ROBO2: variants seen among roughly 807,000 people sequenced by gnomAD.
ROBO2 encodes the protein roundabout guidance receptor 2.
A neutral mutation model predicts 160.8 loss-of-function variants in ROBO2; 53 were observed. The ratio of observed to expected loss-of-function variants is 0.33; its 90% CI spans 0.26 to 0.41. The LOEUF (loss-of-function observed/expected upper bound fraction) is 0.41. ROBO2 is among the 10% of genes least tolerant of loss of function. The probability of loss-of-function intolerance (pLI) is 1.00; values close to 1 mark genes in which losing one functional copy is unlikely to be tolerated. For synonymous variants in ROBO2, 664 were observed against 611.7 expected (o/e 1.09, Z -1.26); for missense variants, 1,577 against 1,722.4 (o/e 0.92, Z 1.49).
At position 76,834,112 on chromosome 3, in the gene ROBO2, T is replaced by TTCTTTCTC. The variant is rs1267085073; in HGVS notation, c.110-263899_110-263898insTTCTCTCT. Among the ~76,000 whole-genome samples, 183 of 145,464 alleles carry TTCTTTCTC rather than the reference T, an allele frequency of 1.3e-3. 3 individuals are homozygous for TTCTTTCTC. Among genetic ancestry groups the TTCTTTCTC allele is most frequent in the African/African-American group, 4.1e-3 (160 of 38,830 alleles). ...TTTCTTTCTTTCTTTCTTTCTTTCT[T>TTCTTTCTC]TCTCTCTGTCTCTCCTTCCTTCTTT... On this transcript the variant is annotated intron_variant, in intron 2 of 26. Transcript: ENST00000487694.
At chr3:75,951,842 T>C (rs1948548722) in intron 2 of ROBO2, among the ~76,000 whole-genome samples, 1 of 152,058 alleles carries the variant, frequency 6.6e-6, no homozygotes, top group Non-Finnish European at 1.5e-5. Context: ...CAAATTTTTA[T>C]CTGATAGCTC....
chr3:75,913,769 A>C (rs35364514), intron 1 of ROBO2, among the ~76,000 whole-genome samples: 20,862 of 152,212 alleles, frequency 0.14, 1,547 homozygotes, highest in South Asian at 0.16. Context: ...AATCTCATCC[A>C]TATAAGAAAG....
intron 2 of ROBO2, among the ~76,000 whole-genome samples, chr3:77,294,624 G>A (rs559278309): frequency 3.4e-5 from 5 of 148,862 alleles, no homozygotes; most frequent in South Asian, 4.2e-4. Flanking sequence ...TAAAATTGAC[G>A]GTTAAACGGG....
chr3:76,998,616 TAAACA>T (rs2061163347), intron 2 of ROBO2, among the ~76,000 whole-genome samples: 1 of 152,194 alleles, frequency 6.6e-6, no homozygotes. Flanking sequence ...ATAGTTACTT[TAAACA>T]AAATGGTATT....
intron 2 of ROBO2, among the ~76,000 whole-genome samples, chr3:76,545,271 G>A (rs1282475277): frequency 6.6e-6 from 1 of 151,920 alleles, no homozygotes; most frequent in Non-Finnish European, 1.5e-5. Flanking sequence ...GAAGTAAAGT[G>A]AAATTAAGGG....
At chr3:77,602,159 T>C in intron 19 of ROBO2, 51 bp from the exon 21 acceptor site, 1 of 1,582,572 alleles carries the variant, frequency 6.3e-7, no homozygotes. Flanking sequence ...CTGATAGTTT[T>C]GGGCTTCCGG....
Position 76,180,921 on chromosome 3 carries a change from A to G in ROBO2, c.109+243319A>G, listed in dbSNP as rs565859678. Among the ~76,000 whole-genome samples, 7 of 152,148 alleles carry G rather than the reference A, an allele frequency of 4.6e-5. No homozygotes were observed. In the South Asian group the frequency reaches 1.5e-3, roughly 32 times the overall value. ...CCACCCCACCTTCCCACTCTCCCCT[A>G]TCTGCCTCACTGAATTTCTTTCAGC... On this transcript the variant is annotated intron_variant, in intron 2 of 26. Transcript: ENST00000487694.
chr3:77,395,338 C>G (rs2075170165), intron 2 of ROBO2, among the ~76,000 whole-genome samples: 1 of 152,104 alleles, frequency 6.6e-6, no homozygotes, highest in South Asian at 2.1e-4. Flanking sequence ...GGGGGAACAG[C>G]AGGTAGCATA....
chr3:77,400,499 A>C (rs2075695609), intron 2 of ROBO2, among the ~76,000 whole-genome samples: 1 of 152,206 alleles, frequency 6.6e-6, no homozygotes, highest in Non-Finnish European at 1.5e-5. Context: ...CAGTACGTTC[A>C]CTTTAGACAT....
intron 2 of ROBO2, among the ~76,000 whole-genome samples, chr3:76,725,584 C>T (rs1225841289): frequency 6.6e-6 from 1 of 152,098 alleles, no homozygotes; most frequent in African/African-American, 2.4e-5. Context: ...AACAAAGTTT[C>T]ATTTCATACA....
intron 2 of ROBO2, among the ~76,000 whole-genome samples, chr3:76,593,775 A>G (rs947955180): frequency 1.3e-5 from 2 of 151,956 alleles, no homozygotes; most frequent in Non-Finnish European, 2.9e-5. Context: ...TTGTTCTTGT[A>G]TTTATAGCAG....
intron 2 of ROBO2, among the ~76,000 whole-genome samples, chr3:77,019,350 T>A (rs2062481752): frequency 6.6e-6 from 1 of 151,988 alleles, no homozygotes. Flanking sequence ...AGGGCATTAA[T>A]CCCATCCATA....
At chr3:75,931,029 A>G (rs557977528) in intron 1 of ROBO2, among the ~76,000 whole-genome samples, 80 of 152,332 alleles carry the variant, frequency 5.3e-4, no homozygotes, top group African/African-American at 1.8e-3. Context: ...ACTAAGACCT[A>G]TGTTCCTCAT....
intron 12 of ROBO2, among the ~76,000 whole-genome samples, chr3:77,566,002 C>T (rs2153664322): frequency 6.6e-6 from 1 of 152,138 alleles, no homozygotes; most frequent in Middle Eastern, 3.4e-3. Flanking sequence ...CTACTTCCCA[C>T]AGGGTTCTTC....
chr3:76,968,444 C>T (rs937099837), intron 2 of ROBO2, among the ~76,000 whole-genome samples: 18 of 151,946 alleles, frequency 1.2e-4, no homozygotes, highest in Non-Finnish European at 2.1e-4. Flanking sequence ...AATATAAGCT[C>T]CTTTTAGGAA....
intron 2 of ROBO2, among the ~76,000 whole-genome samples, chr3:76,398,825 C>T (rs1464893647): frequency 6.6e-6 from 1 of 151,664 alleles, no homozygotes; most frequent in Non-Finnish European, 1.5e-5. Flanking sequence ...TATTCTATTA[C>T]TTTAGTATAT....
At chr3:76,530,595 C>T (rs184728602) in intron 2 of ROBO2, among the ~76,000 whole-genome samples, 2 of 152,278 alleles carry the variant, frequency 1.3e-5, no homozygotes, top group Admixed American at 1.3e-4. Context: ...GTCTCAGTAA[C>T]TTAGCTCTCG....
chr3:76,363,813 T>C (rs1302496035), intron 2 of ROBO2, among the ~76,000 whole-genome samples: 1 of 152,006 alleles, frequency 6.6e-6, no homozygotes, highest in Non-Finnish European at 1.5e-5. Flanking sequence ...TTTTTAAATG[T>C]TTTATTTCTT....
At chr3:76,691,499 G>C (rs957733052) in intron 2 of ROBO2, among the ~76,000 whole-genome samples, 5 of 152,044 alleles carry the variant, frequency 3.3e-5, no homozygotes, top group African/African-American at 1.2e-4. Context: ...ATGGGCAAAG[G>C]AATTGAAGAT....
Sources: gnomAD v4.1 joint callset for allele counts (sites outside exome capture counted in the v4.1 genomes callset) on GRCh38, gnomAD v4.1.1 for gene constraint, MANE v1.5 for transcripts, NCBI Gene and HGNC (gene_info 2026-07-23, HGNC 2026-07-21) for gene names.